S100A8: variants seen among roughly 807,000 people sequenced by gnomAD.
The protein encoded by S100A8 is S100 calcium binding protein A8.
Under a neutral mutation model 4.2 loss-of-function variants are expected in S100A8, and 1 was observed. The ratio of observed to expected loss-of-function variants is 0.24; its 90% CI spans 0.08 to 1.12. S100A8 has a LOEUF of 1.12. S100A8 is among the 50% of genes most tolerant of loss of function. The pLI is 0.53. For synonymous variants in S100A8, 41 were observed against 44.7 expected (o/e 0.92, Z 0.33); for missense variants, 96 against 111.8 (o/e 0.86, Z 0.64).
the S100A8 span, among the ~76,000 whole-genome samples, chr1:153,411,311 T>C: frequency 5.1e-4 from 78 of 152,214 alleles, no homozygotes; most frequent in East Asian, 2.5e-3. Context: ...TGTACAAAAA[T>C]CACAAGCATT....
chr1:153,404,251 C>CA, the S100A8 span, among the ~76,000 whole-genome samples: 21,772 of 152,090 alleles, frequency 0.14, 1,753 homozygotes, highest in African/African-American at 0.23. Context: ...CTATGGCAGT[C>CA]ACTTCATTTA....
the S100A8 span, among the ~76,000 whole-genome samples, chr1:153,399,649 GT>G: frequency 2.6e-5 from 4 of 152,210 alleles, no homozygotes; most frequent in African/African-American, 9.7e-5. Context: ...GTGGGGACAT[GT>G]GAGGGGACAG....
At chr1:153,409,305 A>G in the S100A8 span, among the ~76,000 whole-genome samples, 7 of 151,896 alleles carry the variant, frequency 4.6e-5, no homozygotes, top group Non-Finnish European at 7.4e-5. Flanking sequence ...AAAGGAAAGC[A>G]AAAAAAAGCA....
chr1:153,391,712 T>C (rs1052655645), upstream of S100A8, among the ~76,000 whole-genome samples: 1 of 152,186 alleles, frequency 6.6e-6, no homozygotes, highest in East Asian at 1.9e-4. Flanking sequence ...GCTTTCCTGT[T>C]CTGTGAAGCT....
At chr1:153,415,679 T>G in the S100A8 span, among the ~76,000 whole-genome samples, 2 of 96,072 alleles carry the variant, frequency 2.1e-5, no homozygotes, top group African/African-American at 3.9e-5. Flanking sequence ...AAAGAACTTT[T>G]CCCACTCCCT....
At chr1:153,396,813 C>A in the S100A8 span, 6 of 152,390 alleles carry the variant, frequency 3.9e-5, no homozygotes, top group African/African-American at 1.4e-4. Flanking sequence ...GCATACAGCC[C>A]ACCTGCCAGG....
At chr1:153,409,463 C>A in the S100A8 span, among the ~76,000 whole-genome samples, 18 of 152,248 alleles carry the variant, frequency 1.2e-4, no homozygotes, top group East Asian at 3.9e-4. Flanking sequence ...TACAGGAACA[C>A]CCAGATTCAT....
the S100A8 span, among the ~76,000 whole-genome samples, chr1:153,402,075 A>G: frequency 0.025 from 3,781 of 152,312 alleles, 93 homozygotes; most frequent in African/African-American, 0.064. Flanking sequence ...GAAAGGGTAC[A>G]TTATTGCCGT....
upstream of S100A8, among the ~76,000 whole-genome samples, chr1:153,396,028 A>G (rs532104463): frequency 9.1e-4 from 139 of 152,332 alleles, 1 homozygote; most frequent in African/African-American, 3.2e-3. Flanking sequence ...GAGTGACCAC[A>G]AGCGAGGCCT....
the S100A8 span, among the ~76,000 whole-genome samples, chr1:153,404,105 G>C: frequency 7.2e-5 from 11 of 152,294 alleles, no homozygotes; most frequent in African/African-American, 2.6e-4. Flanking sequence ...CTCAGGAAAA[G>C]CCACGTGGAA....
Position 153,390,399 on chromosome 1 carries a change from A to T in S100A8, c.137T>A (p.Ile46Asn). 1 of 1,614,034 alleles carries T rather than the reference A, an allele frequency of 6.2e-7. No individual in the cohort carries two copies. Among genetic ancestry groups the T allele is most frequent in the Non-Finnish European group, 8.5e-7 (1 of 1,179,954 alleles). Reference protein sequence around the residue: ...KLLETECPQYIRKKGADVWFK... With the variant: ...KLLETECPQYNRKKGADVWFK... The stretch of plus-strand genomic sequence containing the variant: ...CCACACCCAGCCCCTCCTCACCCTG[A>T]TATACTGAGGACACTCGGTCTCTAG... Residue 46 changes from isoleucine (I) to asparagine (N), a missense_variant, in exon 2 of 3, where the codon ATC becomes AAC. Physicochemically the swap from Ile to Asn is moderately radical, Grantham distance 149. Transcript: ENST00000368733.
chr1:153,407,858 G>T, the S100A8 span, among the ~76,000 whole-genome samples: 1 of 152,232 alleles, frequency 6.6e-6, no homozygotes, highest in African/African-American at 2.4e-5. Flanking sequence ...GGCAAACAGG[G>T]TCTGGAGTGG....
At chr1:153,410,123 T>G in the S100A8 span, among the ~76,000 whole-genome samples, 2 of 152,024 alleles carry the variant, frequency 1.3e-5, no homozygotes, top group East Asian at 3.9e-4. Flanking sequence ...AAGAAATAAC[T>G]AAGATCAGAG....
the S100A8 span, among the ~76,000 whole-genome samples, chr1:153,400,927 C>G: frequency 6.6e-6 from 1 of 152,204 alleles, no homozygotes; most frequent in African/African-American, 2.4e-5. Context: ...TACTGTTGGA[C>G]AATTGCTGGA....
the S100A8 span, among the ~76,000 whole-genome samples, chr1:153,409,919 C>A: frequency 0.012 from 1,865 of 152,332 alleles, 41 homozygotes; most frequent in African/African-American, 0.042. Context: ...TAAAGATGCT[C>A]TTTGAAACCA....
chr1:153,419,373 CT>C, the S100A8 span: 1 of 1,517,434 alleles, frequency 6.6e-7, no homozygotes, highest in Non-Finnish European at 8.9e-7. Flanking sequence ...CCACCAGACA[CT>C]TGCCTTATTT....
At chr1:153,419,183 G>T in the S100A8 span, 1 of 1,614,136 alleles carries the variant, frequency 6.2e-7, no homozygotes, top group Non-Finnish European at 8.5e-7. Flanking sequence ...CTGTCTTTGA[G>T]AAAAAGGACA....
At chr1:153,419,147 C>T in the S100A8 span, 1 of 1,613,504 alleles carries the variant, frequency 6.2e-7, no homozygotes. Flanking sequence ...CTTCACAGGA[C>T]AAAAAGGGCA....
At chr1:153,407,198 C>T in the S100A8 span, among the ~76,000 whole-genome samples, 1 of 152,204 alleles carries the variant, frequency 6.6e-6, no homozygotes, top group Non-Finnish European at 1.5e-5. Flanking sequence ...GCACAAGGGG[C>T]CAGGGAATAC....
Sources: gnomAD v4.1 joint callset for allele counts (sites outside exome capture counted in the v4.1 genomes callset) on GRCh38, gnomAD v4.1.1 for gene constraint, MANE v1.5 for transcripts, NCBI Gene and HGNC (gene_info 2026-07-23, HGNC 2026-07-21) for gene names.